CWH43: variants seen among roughly 807,000 people sequenced by gnomAD.
CWH43 encodes cell wall biogenesis 43 C-terminal homolog, also known as PGAP2-interacting protein.
In CWH43, 91 loss-of-function variants were observed where a neutral mutation model predicts 85.7. That is an observed-to-expected ratio of 1.06 (90% CI 0.90 to 1.26). CWH43 has a LOEUF of 1.26. CWH43 is among the 50% of genes most tolerant of loss of function. The pLI, the probability that CWH43 is intolerant of heterozygous loss-of-function variation, is 0.00. For synonymous variants in CWH43, 323 were observed against 293.6 expected (o/e 1.10, Z -1.02); for missense variants, 869 against 839.2 (o/e 1.04, Z -0.44).
chr4:49,018,776 T>C (rs1783640966), intron 9 of CWH43, among the ~76,000 whole-genome samples: 2 of 152,208 alleles, frequency 1.3e-5, no homozygotes. Flanking sequence ...ACATTTTTCA[T>C]TTTGAATAAA....
chr4:48,998,775 C>G (rs1782898475), intron 6 of CWH43, among the ~76,000 whole-genome samples: 2 of 152,186 alleles, frequency 1.3e-5, no homozygotes, highest in Non-Finnish European at 2.9e-5. Flanking sequence ...CCTCCTGTGG[C>G]TGTGCTGCTT....
At position 49,044,791 on chromosome 4, in the gene CWH43, C is replaced by T. The variant is rs561408779; in HGVS notation, c.1809C>T (p.Ile603=). The change falls in exon 14 of 16, where the codon ATC becomes ATT. Residue 603 remains isoleucine, a synonymous_variant. Coordinates refer to ENST00000226432, the MANE Select transcript of CWH43 (RefSeq NM_025087.3). ...QLTEHGNVKD[I]DSTDHDRWCE... is the part of the protein sequence containing the mutation. ...TCCTCTCTGCTCTTTATTAGGATAT[C>T]GACAGCACTGATCATGACAGATGGT... The T allele has an allele frequency of 6.8e-6, 11 of 1,612,292 alleles. 1 individual carries two copies. The highest frequency in any genetic ancestry group is 2.2e-5 in the South Asian group (2 of 90,952).
At chr4:49,042,112 A>G (rs1187161185) in intron 13 of CWH43, among the ~76,000 whole-genome samples, 1 of 152,180 alleles carries the variant, frequency 6.6e-6, no homozygotes, top group African/African-American at 2.4e-5. Context: ...ACAGGGCTCA[A>G]TGGGGATAGT....
At chr4:49,038,451 T>C (rs1020949945) in intron 13 of CWH43, among the ~76,000 whole-genome samples, 7 of 152,266 alleles carry the variant, frequency 4.6e-5, no homozygotes, top group Non-Finnish European at 1.0e-4. Flanking sequence ...AGGATCTACT[T>C]CATAGGTGAT....
chr4:49,029,037 A>G (rs1784007889), intron 10 of CWH43, among the ~76,000 whole-genome samples: 1 of 152,144 alleles, frequency 6.6e-6, no homozygotes, highest in Non-Finnish European at 1.5e-5. Context: ...CTCTGCTAGT[A>G]GCTTCTGTCA....
chr4:49,011,423 C>T (rs1783356471), intron 8 of CWH43, among the ~76,000 whole-genome samples: 1 of 152,112 alleles, frequency 6.6e-6, no homozygotes, highest in South Asian at 2.1e-4. Flanking sequence ...TCTTGACTAT[C>T]CAATTTGCCA....
At chr4:49,061,284 T>C (rs1304087533) in intron 15 of CWH43, among the ~76,000 whole-genome samples, 1 of 152,178 alleles carries the variant, frequency 6.6e-6, no homozygotes, top group Non-Finnish European at 1.5e-5. Context: ...AGGTTAGATA[T>C]TATGGTTGCT....
chr4:49,024,176 T>C (rs1783833426), intron 9 of CWH43, among the ~76,000 whole-genome samples: 1 of 152,254 alleles, frequency 6.6e-6, no homozygotes, highest in African/African-American at 2.4e-5. Flanking sequence ...CTGCTCACTT[T>C]TGGTGTCCAT....
At chr4:49,051,286 G>A (rs1784789390) in intron 15 of CWH43, among the ~76,000 whole-genome samples, 1 of 152,158 alleles carries the variant, frequency 6.6e-6, no homozygotes, top group African/African-American at 2.4e-5. Context: ...CTTCACTGGG[G>A]TCACATGGCT....
At chr4:49,022,331 G>C (rs2109792136) in intron 9 of CWH43, among the ~76,000 whole-genome samples, 1 of 152,208 alleles carries the variant, frequency 6.6e-6, no homozygotes, top group Non-Finnish European at 1.5e-5. Context: ...TTTAAATTCT[G>C]TTTATGTGGT....
intron 15 of CWH43, among the ~76,000 whole-genome samples, chr4:49,056,467 A>G (rs151119307): frequency 1.3e-5 from 2 of 152,206 alleles, no homozygotes; most frequent in East Asian, 1.9e-4. Context: ...ATTATTGCTC[A>G]TAGTAGTCAC....
intron 9 of CWH43, among the ~76,000 whole-genome samples, chr4:49,028,258 T>A (rs1265483092): frequency 2.6e-5 from 4 of 152,216 alleles, no homozygotes; most frequent in Non-Finnish European, 4.4e-5. Flanking sequence ...TGGACCTATG[T>A]AGCCCTAATT....
intron 8 of CWH43, chr4:49,016,715 T>C: frequency 1.3e-6 from 1 of 774,864 alleles, no homozygotes; most frequent in Non-Finnish European, 2.4e-6. Context: ...TGATGACCTT[T>C]GCCTGCTCGA....
intron 14 of CWH43, among the ~76,000 whole-genome samples, chr4:49,045,561 C>A (rs1291961154): frequency 6.6e-6 from 1 of 152,076 alleles, no homozygotes; most frequent in Non-Finnish European, 1.5e-5. Flanking sequence ...CTACAATATT[C>A]AGTACAGTTA....
chr4:48,991,382 C>A, intron 2 of CWH43, 72 bp from the exon 3 acceptor site: 4 of 1,532,856 alleles, frequency 2.6e-6, no homozygotes, highest in East Asian at 4.5e-5. Flanking sequence ...AGATAACATG[C>A]ATCAAATGCA....
rs1219783252 is a variant in CWH43, at chr4:48,993,603, T to C, written c.512-1016T>C. On this transcript the variant is annotated intron_variant, in intron 4 of 15. Transcript: ENST00000226432. ...CTCCTGCTGGCATCTTCTCCAGTTG[T>C]TACAGTTTTGTGTGTGAAGTCATTG... is the stretch of plus-strand genomic sequence containing the variant. 2.6e-5 allele frequency among the ~76,000 whole-genome samples: 4 copies of C among 152,332 alleles called. No individual in the cohort carries two copies. In the East Asian group the frequency reaches 5.8e-4, roughly 22 times the overall value.
chr4:49,017,190 C>T, intron 8 of CWH43, 59 bp from the exon 9 acceptor site: 2 of 1,453,306 alleles, frequency 1.4e-6, no homozygotes, highest in Non-Finnish European at 1.9e-6. Flanking sequence ...TCAGTGTCAG[C>T]AAATTTATTT....
At chr4:48,998,387 T>C (rs1782882434) in intron 5 of CWH43, 73 bp from the exon 6 acceptor site, 1 of 1,176,252 alleles carries the variant, frequency 8.5e-7, no homozygotes, top group Admixed American at 1.7e-5. Flanking sequence ...GTGGGAGGTA[T>C]ATTTCTATTT....
intron 9 of CWH43, among the ~76,000 whole-genome samples, chr4:49,028,213 T>A (rs564223259): frequency 5.3e-4 from 80 of 152,320 alleles, no homozygotes; most frequent in Non-Finnish European, 1.0e-3. Flanking sequence ...ACTTTTTTTT[T>A]AAATTTAAAA....
Sources: allele counts gnomAD v4.1 joint callset (sites outside exome capture counted in the v4.1 genomes callset), GRCh38; gene constraint gnomAD v4.1.1; transcripts MANE v1.5; gene names NCBI Gene and HGNC (gene_info 2026-07-23, HGNC 2026-07-21).